The following IPCEF1 variants were observed in gnomAD, a reference collection of about 807,000 sequenced individuals.
IPCEF1 encodes interactor protein for cytohesin exchange factors 1.
In IPCEF1, 31 loss-of-function variants were observed where a neutral mutation model predicts 50.9. That is an observed-to-expected ratio of 0.61 (90% CI 0.46 to 0.82). The LOEUF is 0.82. IPCEF1 is among the 40% of genes least tolerant of loss of function. The pLI is 0.00. For synonymous variants in IPCEF1, 181 were observed against 192.0 expected, an observed-to-expected ratio of 0.94 and a Z score of 0.47; for missense variants, 458 against 514.0, an observed-to-expected ratio of 0.89 and a Z score of 1.05.
rs372139782 is a variant in IPCEF1, at chr6:154,197,826, G to GGT, written c.910+1840_910+1841dup. 6.2e-4 allele frequency among the ~76,000 whole-genome samples: 94 copies of GGT among 152,026 alleles called. No homozygotes were observed. The South Asian group carries it at 9.1e-3, about 15-fold the overall frequency. ...TTTTGAAGCTATGCTCATCCTGGGG[G>GGT]GTGTGTGTGTGTGTTTGAAATTTTT... On this transcript the variant is annotated intron_variant, in intron 10 of 11. Transcript: ENST00000367220.
At chr6:154,309,768 G>T (rs1489516935) in intron 1 of IPCEF1, among the ~76,000 whole-genome samples, 13 of 140,844 alleles carry the variant, frequency 9.2e-5, no homozygotes, top group Admixed American at 2.1e-4. Context: ...TTCTTTTCTT[G>T]TTTTTTTTTT....
At chr6:154,214,161 G>T in intron 8 of IPCEF1, 57 bp downstream of exon 8, 3 of 1,122,784 alleles carry the variant, frequency 2.7e-6, no homozygotes, top group Non-Finnish European at 2.7e-6. Flanking sequence ...TTTTCACCCT[G>T]TTTCAACCTG....
At chr6:154,262,912 G>C (rs1323375803) in intron 3 of IPCEF1, among the ~76,000 whole-genome samples, 1 of 151,818 alleles carries the variant, frequency 6.6e-6, no homozygotes. Flanking sequence ...CAGTAGCTGG[G>C]ACTACAGGTA....
In IPCEF1 at chr6:154,256,537, G is replaced by GTCTCTCTCTC. The variant is rs10644644; in HGVS notation, c.37-9059_37-9050dup. Among the ~76,000 whole-genome samples the GTCTCTCTCTC allele has an allele frequency of 2.6e-4, 38 of 146,206 alleles. 2 individuals are homozygous for GTCTCTCTCTC. Among genetic ancestry groups the GTCTCTCTCTC allele is most frequent in the African/African-American group, 6.3e-4 (25 of 39,744 alleles). On this transcript the variant is annotated intron_variant, in intron 3 of 11. Transcript: ENST00000367220. ...TCTTTCTCTCTGTGTCTCTGTCTCC[G>GTCTCTCTCTC]TCTCTCTCTCTCTCTCTCTCTCTCT...
At chr6:154,293,220 T>C (rs779110684) in intron 1 of IPCEF1, among the ~76,000 whole-genome samples, 4 of 152,242 alleles carry the variant, frequency 2.6e-5, no homozygotes, top group East Asian at 1.9e-4. Context: ...TCCCAACCTA[T>C]AGGTCAAGGG....
In IPCEF1 at chr6:154,183,523, T is replaced by G. The variant is rs140298473; in HGVS notation, c.911-15410A>C. Among the ~76,000 whole-genome samples, 407 of 152,340 alleles carry G rather than the reference T, an allele frequency of 2.7e-3. 2 individuals carry two copies. The highest frequency in any genetic ancestry group is 8.1e-3 in the African/African-American group (337 of 41,580). On this transcript the variant is annotated intron_variant, in intron 10 of 11. Coordinates refer to ENST00000367220, the MANE Select transcript of IPCEF1 (RefSeq NM_001130700.2). ...TAAATTCACAAGATTACCTGAATGA[T>G]AGTGCCAAGGAGAGGTGCGCTCTAT...
intron 1 of IPCEF1, among the ~76,000 whole-genome samples, chr6:154,309,877 G>T (rs904534700): frequency 1.3e-5 from 2 of 151,598 alleles, no homozygotes; most frequent in Non-Finnish European, 2.9e-5. Flanking sequence ...AAATCTCCTG[G>T]GTCAGCCTCC....
intron 11 of IPCEF1, among the ~76,000 whole-genome samples, chr6:154,164,723 G>A (rs941933249): frequency 2.0e-5 from 3 of 152,178 alleles, no homozygotes; most frequent in East Asian, 1.9e-4. Context: ...AGGGTTCACC[G>A]CTCTTGTGAC....
intron 9 of IPCEF1, among the ~76,000 whole-genome samples, chr6:154,202,624 T>C (rs1218231626): frequency 6.6e-6 from 1 of 152,220 alleles, no homozygotes; most frequent in African/African-American, 2.4e-5. Context: ...AACTGGGCTA[T>C]TTGAACAACA....
chr6:154,247,449 C>T lies in IPCEF1; in HGVS notation c.76G>A (p.Gly26Ser). 6.2e-7 allele frequency: 1 copy of T among 1,611,524 alleles called. No individual in the cohort carries two copies. Among genetic ancestry groups the T allele is most frequent in the Non-Finnish European group, 8.5e-7 (1 of 1,178,054 alleles). Residue 26 changes from glycine to serine, a missense_variant and splice_region_variant, in exon 4 of 12, where the codon GGT (glycine) becomes AGT (serine). By Grantham distance (56) the Gly-to-Ser change is moderately conservative. Coordinates refer to ENST00000367220, the MANE Select transcript of IPCEF1 (RefSeq NM_001130700.2). Reference sequence around the variant, plus strand: ...AAAGAAACAAAAGAGATCTAATTACCTTGAGTTTTCCTCCTGGGCTTCTGA... The same window carrying T: ...AAAGAAACAAAAGAGATCTAATTACTTTGAGTTTTCCTCCTGGGCTTCTGA... ...LRQKPRRKTQGFLTMSRRRIS... is the reference protein window; with the variant it reads ...LRQKPRRKTQSFLTMSRRRIS...
At chr6:154,231,668 T>G (rs1039806606) in intron 5 of IPCEF1, among the ~76,000 whole-genome samples, 1 of 152,146 alleles carries the variant, frequency 6.6e-6, no homozygotes, top group African/African-American at 2.4e-5. Context: ...TTTGACTCAA[T>G]ATACACACTT....
chr6:154,180,246 C>T (rs1486761350), intron 10 of IPCEF1, among the ~76,000 whole-genome samples: 1 of 152,002 alleles, frequency 6.6e-6, no homozygotes, highest in Non-Finnish European at 1.5e-5. Flanking sequence ...AGTGACCCTT[C>T]ACTTTTGTTA....
intron 2 of IPCEF1, among the ~76,000 whole-genome samples, chr6:154,287,733 G>A (rs1329051738): frequency 1.3e-5 from 2 of 152,166 alleles, no homozygotes; most frequent in Non-Finnish European, 2.9e-5. Flanking sequence ...GATGCCCACT[G>A]TGATGGGGAG....
Position 154,237,729 on chromosome 6 carries a change from A to C in IPCEF1, c.246+8862T>G, listed in dbSNP as rs575622499. 3.7e-3 allele frequency among the ~76,000 whole-genome samples: 556 copies of C among 152,298 alleles called. 2 individuals are homozygous for C. The highest frequency in any genetic ancestry group is 5.6e-3 in the Non-Finnish European group (383 of 68,028). On this transcript the variant is annotated intron_variant, in intron 5 of 11. Coordinates refer to ENST00000367220, the MANE Select transcript of IPCEF1 (RefSeq NM_001130700.2). Reference sequence around the variant, plus strand: ...CCAGGTGCCATTTGTCCCTTATACCATGCTGCCGAAATCCACCTTACTGCT... The same window carrying C: ...CCAGGTGCCATTTGTCCCTTATACCCTGCTGCCGAAATCCACCTTACTGCT...
intron 2 of IPCEF1, among the ~76,000 whole-genome samples, chr6:154,287,387 A>G (rs1260705624): frequency 6.6e-6 from 1 of 152,124 alleles, no homozygotes; most frequent in Non-Finnish European, 1.5e-5. Context: ...CATCATAACT[A>G]ATATTTATTA....
intron 1 of IPCEF1, among the ~76,000 whole-genome samples, chr6:154,332,592 C>T (rs1473305424): frequency 2.0e-5 from 3 of 152,164 alleles, no homozygotes; most frequent in Non-Finnish European, 4.4e-5. Flanking sequence ...TCACATAAAA[C>T]TGGGGATTCC....
chr6:154,259,373 C>G (rs1379232395), intron 3 of IPCEF1, among the ~76,000 whole-genome samples: 1 of 152,218 alleles, frequency 6.6e-6, no homozygotes, highest in Non-Finnish European at 1.5e-5. Flanking sequence ...GAAATGCGCG[C>G]TGGGCATGGT....
chr6:154,263,255 A>AT lies in IPCEF1; in HGVS notation c.36+2656dup, dbSNP rs912953656. Among the ~76,000 whole-genome samples the AT allele has an allele frequency of 1.5e-4, 21 of 141,840 alleles. 1 individual carries two copies. Among genetic ancestry groups the AT allele is most frequent in the Non-Finnish European group, 4.6e-5 (3 of 65,026 alleles). 93.1% of individuals were successfully genotyped at this position (141,840 alleles called of 152,430 possible). A position where few individuals can be genotyped will look rare whatever the true frequency, so the allele number is the denominator to read the frequency against. ...CTTTTTTTTTTAAATTTATTTATTT[A>AT]TTTTTTTTAATTGATCATTCTTGGG... On this transcript the variant is annotated intron_variant, in intron 3 of 11. Coordinates refer to ENST00000367220, the MANE Select transcript of IPCEF1 (RefSeq NM_001130700.2).
rs1254845461 is a variant in IPCEF1, at chr6:154,267,170, T to C, written c.-17-1206A>G. 2.0e-5 allele frequency among the ~76,000 whole-genome samples: 3 copies of C among 151,622 alleles called. No individual in the cohort carries two copies. The East Asian group carries it at 5.8e-4, about 29-fold the overall frequency. ...AAAATTAAAACCTAAATTTAAAAAA[T>C]CAAGTCTCAAGCTGATAAAAATATC... On this transcript the variant is annotated intron_variant, in intron 2 of 11. Transcript: ENST00000367220.
Sources: allele counts gnomAD v4.1 joint callset (sites outside exome capture counted in the v4.1 genomes callset), GRCh38; gene constraint gnomAD v4.1.1; transcripts MANE v1.5; gene names NCBI Gene and HGNC (gene_info 2026-07-23, HGNC 2026-07-21).